The following PTPRG variants were observed in gnomAD, a reference collection of about 807,000 sequenced individuals.
PTPRG encodes the protein protein tyrosine phosphatase receptor type G, also known as receptor-type tyrosine-protein phosphatase gamma.
PTPRG carries 102 observed loss-of-function variants against 165.3 expected under a neutral mutation model. The ratio of observed to expected loss-of-function variants is 0.62; its 90% CI spans 0.53 to 0.73. PTPRG has a LOEUF of 0.73. Among genes scored for constraint, PTPRG ranks in the 30% least tolerant of loss-of-function variants. The pLI is 0.00. For synonymous variants in PTPRG, 675 were observed against 669.5 expected (o/e 1.01, Z -0.13); for missense variants, 1,866 against 1,861.4 (o/e 1.00, Z -0.05).
At chr3:62,131,258 C>G (rs775233995) in intron 5 of PTPRG, among the ~76,000 whole-genome samples, 2 of 152,058 alleles carry the variant, frequency 1.3e-5, no homozygotes, top group African/African-American at 2.4e-5. Context: ...TATGTGACAA[C>G]GAAAAACGTC....
intron 2 of PTPRG, among the ~76,000 whole-genome samples, chr3:61,793,756 T>G (rs2034963842): frequency 6.6e-6 from 1 of 152,182 alleles, no homozygotes; most frequent in Non-Finnish European, 1.5e-5. Context: ...GTTGTTGTTT[T>G]TTTTCTGGCC....
At chr3:62,051,522 T>G (rs1221613115) in intron 4 of PTPRG, among the ~76,000 whole-genome samples, 4 of 152,182 alleles carry the variant, frequency 2.6e-5, no homozygotes, top group Admixed American at 2.0e-4. Context: ...AGGCATGAAG[T>G]ACCTAATTTG....
chr3:61,844,221 C>G (rs1041356433), intron 2 of PTPRG, among the ~76,000 whole-genome samples: 2 of 152,124 alleles, frequency 1.3e-5, no homozygotes, highest in African/African-American at 4.8e-5. Context: ...GCCTTTGCCT[C>G]CCAAAGTGCT....
intron 29 of PTPRG, 28 bp from the exon 30 acceptor site, chr3:62,293,133 C>G: frequency 6.6e-7 from 1 of 1,521,078 alleles, no homozygotes; most frequent in Non-Finnish European, 8.8e-7. Flanking sequence ...TGTTCTTTGG[C>G]TCAAACTGTC....
intron 28 of PTPRG, among the ~76,000 whole-genome samples, chr3:62,291,271 A>C (rs1380712283): frequency 1.3e-5 from 2 of 152,098 alleles, no homozygotes; most frequent in East Asian, 3.9e-4. Context: ...TGAACAGGTA[A>C]CAGCCACTTG....
In PTPRG at chr3:61,837,267, C is replaced by T. The variant is rs771356223; in HGVS notation, c.190+88285C>T. 1.1e-4 allele frequency among the ~76,000 whole-genome samples: 16 copies of T among 152,218 alleles called. 1 individual carries two copies. The South Asian group carries it at 2.1e-3, about 20-fold the overall frequency. ...TTTGCCATGTTGGCCAGGCTGGTCT[C>T]GAACTCCTGACCTCAAGTGATCTGC... On this transcript the variant is annotated intron_variant, in intron 2 of 29. Transcript: ENST00000474889.
chr3:61,887,855 C>G (rs2038095949), intron 2 of PTPRG, among the ~76,000 whole-genome samples: 3 of 152,094 alleles, frequency 2.0e-5, no homozygotes. Context: ...GCTGAGGTCA[C>G]ATTCCTGGAA....
intron 2 of PTPRG, among the ~76,000 whole-genome samples, chr3:61,924,264 C>G (rs1031196446): frequency 6.6e-6 from 1 of 152,192 alleles, no homozygotes; most frequent in African/African-American, 2.4e-5. Context: ...CCTGCACTTG[C>G]AGGTCACAGG....
chr3:61,695,282 A>T (rs1046527116), intron 1 of PTPRG, among the ~76,000 whole-genome samples: 2 of 152,198 alleles, frequency 1.3e-5, no homozygotes, highest in Non-Finnish European at 2.9e-5. Flanking sequence ...AAGTGCTGGG[A>T]TTACAAGTGT....
chr3:61,619,700 A>G (rs1053084281), intron 1 of PTPRG, among the ~76,000 whole-genome samples: 9 of 152,182 alleles, frequency 5.9e-5, no homozygotes, highest in African/African-American at 1.9e-4. Flanking sequence ...TTAATAGAAA[A>G]TGGTGTTTTC....
At chr3:61,807,734 A>G (rs780818277) in intron 2 of PTPRG, among the ~76,000 whole-genome samples, 1 of 152,038 alleles carries the variant, frequency 6.6e-6, no homozygotes, top group Non-Finnish European at 1.5e-5. Context: ...GTAAATATGT[A>G]TTATTGAATC....
At chr3:62,077,093 C>T (rs6799881) in intron 4 of PTPRG, among the ~76,000 whole-genome samples, 19,754 of 151,916 alleles carry the variant, frequency 0.13, 1,375 homozygotes, top group East Asian at 0.26. Flanking sequence ...AGGCAAAACC[C>T]TGTCCTTACA....
At position 61,670,246 on chromosome 3, in the gene PTPRG, G is replaced by A. The variant is rs75470449; in HGVS notation, c.86-78632G>A. On this transcript the variant is annotated intron_variant, in intron 1 of 29. Transcript: ENST00000474889. Reference sequence around the variant, plus strand: ...TGACTTATGTTCAAAAACTTGGGAAGACCCAGGAGGGGGTTGACTTATCCC... The same window carrying A: ...TGACTTATGTTCAAAAACTTGGGAAAACCCAGGAGGGGGTTGACTTATCCC... 2.0e-3 allele frequency among the ~76,000 whole-genome samples: 306 copies of A among 152,324 alleles called. 2 individuals are homozygous for A. The highest frequency in any genetic ancestry group is 6.9e-3 in the African/African-American group (286 of 41,586).
intron 4 of PTPRG, among the ~76,000 whole-genome samples, chr3:62,036,491 G>C (rs1699942237): frequency 6.6e-6 from 1 of 152,124 alleles, no homozygotes; most frequent in Non-Finnish European, 1.5e-5. Context: ...AGAGAGTGCA[G>C]AATGTGACAT....
chr3:62,260,139 A>G (rs1576187633), intron 16 of PTPRG, among the ~76,000 whole-genome samples: 1 of 152,168 alleles, frequency 6.6e-6, no homozygotes, highest in East Asian at 1.9e-4. Context: ...GGTCACTACC[A>G]TGACCTAAAC....
chr3:61,867,669 T>C (rs1404048396), intron 2 of PTPRG, among the ~76,000 whole-genome samples: 1 of 152,168 alleles, frequency 6.6e-6, no homozygotes, highest in Non-Finnish European at 1.5e-5. Context: ...CTCTTCACCC[T>C]GTACCTCTTT....
At chr3:61,864,389 AG>A (rs2037350527) in intron 2 of PTPRG, among the ~76,000 whole-genome samples, 1 of 152,146 alleles carries the variant, frequency 6.6e-6, no homozygotes, top group African/African-American at 2.4e-5. Context: ...TAGGTGGATA[AG>A]GGGACAGTGC....
chr3:61,658,398 G>C (rs991623062), intron 1 of PTPRG, among the ~76,000 whole-genome samples: 3 of 152,136 alleles, frequency 2.0e-5, no homozygotes, highest in South Asian at 2.1e-4. Flanking sequence ...GGAGAGCCTG[G>C]TTGGTCCCAT....
At chr3:61,586,285 C>T (rs770488912) in intron 1 of PTPRG, among the ~76,000 whole-genome samples, 11 of 151,890 alleles carry the variant, frequency 7.2e-5, no homozygotes, top group Non-Finnish European at 1.0e-4. Context: ...GTCTTGGCAG[C>T]GGAAGCTTGC....
Sources: allele counts gnomAD v4.1 joint callset (sites outside exome capture counted in the v4.1 genomes callset), GRCh38; gene constraint gnomAD v4.1.1; transcripts MANE v1.5; gene names NCBI Gene and HGNC (gene_info 2026-07-23, HGNC 2026-07-21).